The following UBE2B variants were observed in gnomAD, a reference collection of about 807,000 sequenced individuals.
The protein encoded by UBE2B is ubiquitin-conjugating enzyme E2 B.
UBE2B carries 11 observed loss-of-function variants against 24.6 expected under a neutral mutation model. The ratio of observed to expected loss-of-function variants is 0.45; its 90% CI spans 0.28 to 0.74. The LOEUF (loss-of-function observed/expected upper bound fraction) is 0.74, where lower values mean the gene tolerates loss of function less well. Ranked by LOEUF, UBE2B falls within the 30% of genes least tolerant of loss-of-function variation. UBE2B has a pLI of 0.13. For missense variants in UBE2B, 78 were observed against 185.6 expected, an observed-to-expected ratio of 0.42 and a Z score of 3.37; for synonymous variants, 68 against 62.4, an observed-to-expected ratio of 1.09 and a Z score of -0.42.
At chr5:134,382,056 A>G (rs1253471190) in intron 4 of UBE2B, among the ~76,000 whole-genome samples, 1 of 152,176 alleles carries the variant, frequency 6.6e-6, no homozygotes, top group African/African-American at 2.4e-5. Flanking sequence ...GTAACATAGT[A>G]AGATCCTGTC....
chr5:134,389,677 T>C (rs1012232779), intron 5 of UBE2B, among the ~76,000 whole-genome samples: 4 of 151,848 alleles, frequency 2.6e-5, no homozygotes, highest in Non-Finnish European at 5.9e-5. Context: ...GCCTTCCGAG[T>C]AGCGGATTAC....
At chr5:134,386,053 G>A (rs1234866074) in intron 4 of UBE2B, among the ~76,000 whole-genome samples, 3 of 151,174 alleles carry the variant, frequency 2.0e-5, no homozygotes, top group Admixed American at 6.6e-5. Flanking sequence ...TGCTGGGGGC[G>A]CTGTGGCTCA....
At chr5:134,373,817 T>C (rs924271609) in intron 1 of UBE2B, among the ~76,000 whole-genome samples, 7 of 152,230 alleles carry the variant, frequency 4.6e-5, no homozygotes, top group African/African-American at 1.7e-4. Flanking sequence ...CATGAACTCA[T>C]CCTTTTTTAT....
intron 4 of UBE2B, among the ~76,000 whole-genome samples, chr5:134,382,703 G>A (rs987303559): frequency 6.6e-6 from 1 of 151,778 alleles, no homozygotes; most frequent in East Asian, 1.9e-4. Flanking sequence ...GAGCCTGGGA[G>A]GTTGAGGCTG....
At chr5:134,385,036 A>AT (rs1177298456) in intron 4 of UBE2B, among the ~76,000 whole-genome samples, 4 of 152,172 alleles carry the variant, frequency 2.6e-5, no homozygotes, top group Non-Finnish European at 5.9e-5. Context: ...TCTGTGATTC[A>AT]TTTTTTATTG....
At chr5:134,380,355 T>C (rs1422979675) in intron 3 of UBE2B, among the ~76,000 whole-genome samples, 1 of 152,228 alleles carries the variant, frequency 6.6e-6, no homozygotes, top group Non-Finnish European at 1.5e-5. Context: ...CTTTGCCATG[T>C]GGTAGTCAGA....
Position 134,390,692 on chromosome 5 carries a change from T to G in UBE2B, c.*339T>G, listed in dbSNP as rs184830298. ...TTGAATGCCTTATTTTTGAATTCTT[T>G]AGATTTTTAAATTGGAGAAAAGCAC... On this transcript the variant is annotated 3_prime_UTR_variant, in exon 6 of 6. Coordinates refer to ENST00000265339, the MANE Select transcript of UBE2B (RefSeq NM_003337.4). The surrounding 1 kb of genome is among the most constrained non-coding windows in gnomAD (Gnocchi z 4.6). 3.8e-6 allele frequency: 1 copy of G among 262,260 alleles called. No homozygotes were observed. Among genetic ancestry groups the G allele is most frequent in the Non-Finnish European group, 7.5e-6 (1 of 133,348 alleles). The allele number at this position is 262,260 out of a possible 1,614,324, so 16.2% of individuals were successfully genotyped here. A position where few individuals can be genotyped will look rare whatever the true frequency, so the allele number is the denominator to read the frequency against.
At chr5:134,376,338 A>ATATATATATAT (rs1276778610) in intron 2 of UBE2B, among the ~76,000 whole-genome samples, 44 of 4,356 alleles carry the variant, frequency 0.01, 2 homozygotes, top group South Asian at 0.015. Context: ...AAAAAAAAAA[A>ATATATATATAT]AAAAAAAAAA....
rs1206993709 is a variant in UBE2B at position 134,376,340 on chromosome 5, A to ATATATATAT, written c.126-329_126-328insTATATATAT. ...TCCGTCTCAAAAAAAAAAAAAAAAA[A>ATATATATAT]AAAAAAAAATATATATATATATATA... On this transcript the variant is annotated intron_variant, in intron 2 of 5. Transcript: ENST00000265339. Among the ~76,000 whole-genome samples the ATATATATAT allele has an allele frequency of 8.0e-3, 47 of 5,910 alleles. 2 individuals are homozygous for ATATATATAT. The highest frequency in any genetic ancestry group is 0.011 in the African/African-American group (32 of 2,786). The allele number at this position is 5,910 out of a possible 152,430, so 3.9% of individuals were successfully genotyped here. A position where few individuals can be genotyped will look rare whatever the true frequency, so the allele number is the denominator to read the frequency against.
At chr5:134,378,925 T>C (rs1006055578) in intron 3 of UBE2B, among the ~76,000 whole-genome samples, 3 of 137,044 alleles carry the variant, frequency 2.2e-5, no homozygotes, top group African/African-American at 8.1e-5. Context: ...CAAGACTCCA[T>C]CTCAAAAAAA....
intron 4 of UBE2B, among the ~76,000 whole-genome samples, chr5:134,386,485 A>G (rs1758803939): frequency 6.6e-6 from 1 of 152,044 alleles, no homozygotes; most frequent in African/African-American, 2.4e-5. Context: ...TGCAAAAATT[A>G]GCTGGGCGTG....
chr5:134,387,620 C>T (rs1379939352), intron 4 of UBE2B, among the ~76,000 whole-genome samples: 2 of 152,100 alleles, frequency 1.3e-5, no homozygotes, highest in South Asian at 4.1e-4. Flanking sequence ...GTCCTTGGTG[C>T]TGTGACATCC....
chr5:134,371,681 C>T, intron 1 of UBE2B, 42 bp downstream of exon 1: 7 of 1,611,810 alleles, frequency 4.3e-6, no homozygotes, highest in Non-Finnish European at 5.9e-6. Flanking sequence ...CCCCTCAAAG[C>T]TGCGGGGCTG....
At chr5:134,372,404 G>A (rs1468890813) in intron 1 of UBE2B, among the ~76,000 whole-genome samples, 1 of 152,202 alleles carries the variant, frequency 6.6e-6, no homozygotes, top group Admixed American at 6.5e-5. Context: ...ATAGGGTTTT[G>A]TTAGGAGGTA....
In UBE2B at chr5:134,375,152, G is replaced by A. The variant is rs527603207; in HGVS notation, c.125+689G>A. Among the ~76,000 whole-genome samples the A allele has an allele frequency of 2.0e-5, 3 of 152,230 alleles. No homozygotes were observed. The East Asian group carries it at 5.8e-4, about 29-fold the overall frequency. On this transcript the variant is annotated intron_variant, in intron 2 of 5. Coordinates refer to ENST00000265339, the MANE Select transcript of UBE2B (RefSeq NM_003337.4). The stretch of plus-strand genomic sequence containing the variant: ...TCTCATTCTGTTGGAGCTGTTAAAA[G>A]GTTTGGAACCAAAAATATTAAGAAC...
chr5:134,373,808 A>G (rs1758541358), intron 1 of UBE2B, among the ~76,000 whole-genome samples: 1 of 152,236 alleles, frequency 6.6e-6, no homozygotes, highest in Admixed American at 6.5e-5. Context: ...TACAAAGGAC[A>G]TGAACTCATC....
At chr5:134,389,806 C>G (rs1250604099) in intron 5 of UBE2B, 1 of 207,804 alleles carries the variant, frequency 4.8e-6, no homozygotes, top group Non-Finnish European at 9.9e-6. Context: ...CTCGGCCTCC[C>G]ACAGTGCTGG....
chr5:134,380,520 T>C (rs1758690684), intron 3 of UBE2B, among the ~76,000 whole-genome samples, 199 bp from the exon 4 acceptor site: 1 of 152,228 alleles, frequency 6.6e-6, no homozygotes, highest in African/African-American at 2.4e-5. Context: ...TGAATGTGCT[T>C]GTTCCCCAAC....
At chr5:134,377,720 C>T (rs1758632838) in intron 3 of UBE2B, among the ~76,000 whole-genome samples, 1 of 152,092 alleles carries the variant, frequency 6.6e-6, no homozygotes, top group Non-Finnish European at 1.5e-5. Flanking sequence ...CTTGGAGACC[C>T]TCTCGGGGGA....
Sources: allele counts gnomAD v4.1 joint callset (sites outside exome capture counted in the v4.1 genomes callset), GRCh38; gene constraint gnomAD v4.1.1; non-coding constraint Gnocchi (gnomAD v3.1); transcripts MANE v1.5; gene names NCBI Gene and HGNC (gene_info 2026-07-23, HGNC 2026-07-21).